FAM135A: variants seen among roughly 807,000 people sequenced by gnomAD.
FAM135A encodes protein FAM135A.
Under a neutral mutation model 146.8 loss-of-function variants are expected in FAM135A, and 79 were observed. The observed-to-expected ratio is 0.54, with a 90% confidence interval of 0.45 to 0.65. FAM135A has a LOEUF of 0.65. Among genes scored for constraint, FAM135A ranks in the 30% least tolerant of loss-of-function variants. The probability of loss-of-function intolerance (pLI) is 0.00; values close to 1 mark genes in which losing one functional copy is unlikely to be tolerated. For missense variants in FAM135A, 1,623 were observed against 1,758.2 expected, an observed-to-expected ratio of 0.92 and a Z score of 1.38; for synonymous variants, 562 against 603.6, an observed-to-expected ratio of 0.93 and a Z score of 1.01.
intron 17 of FAM135A, among the ~76,000 whole-genome samples, 165 bp from the exon 18 acceptor site, chr6:70,533,592 T>C (rs1015910384): frequency 6.6e-6 from 1 of 152,170 alleles, no homozygotes; most frequent in African/African-American, 2.4e-5. Flanking sequence ...AAATTTACTC[T>C]CTTTGCTCGT....
intron 20 of FAM135A, among the ~76,000 whole-genome samples, chr6:70,549,978 A>G (rs575278278): frequency 6.6e-6 from 1 of 152,302 alleles, no homozygotes; most frequent in South Asian, 2.1e-4. Flanking sequence ...CCAGGCATAG[A>G]TTCCATCTCA....
In FAM135A at chr6:70,453,007, A is replaced by C. The variant is rs548881310; in HGVS notation, c.157+436A>C. On this transcript the variant is annotated intron_variant, in intron 5 of 21. Transcript: ENST00000418814. ...TATTTATGAAACAGAGCCAAAAGGC[A>C]ATGTAGGAAGGTATGAAATAGACAT... is the stretch of plus-strand genomic sequence containing the variant. 7.9e-5 allele frequency among the ~76,000 whole-genome samples: 12 copies of C among 152,198 alleles called. No homozygotes were observed. In the East Asian group the frequency reaches 2.1e-3, roughly 27 times the overall value.
At position 70,501,585 on chromosome 6, in the gene FAM135A, G is replaced by T. The variant is rs570064741; in HGVS notation, c.874-1051G>T. Among the ~76,000 whole-genome samples the T allele has an allele frequency of 1.1e-4, 17 of 152,344 alleles. No homozygotes were observed. The South Asian group carries it at 3.5e-3, about 32-fold the overall frequency. ...TAGCTCAGTGTCTGCCCAAACAGCT[G>T]CCCAGTTTTGTGCTTGTAACCCAAG... is the stretch of plus-strand genomic sequence containing the variant. On this transcript the variant is annotated intron_variant, in intron 11 of 21. Transcript: ENST00000418814.
chr6:70,447,497 T>C (rs1039781805), intron 4 of FAM135A, among the ~76,000 whole-genome samples: 23 of 152,342 alleles, frequency 1.5e-4, no homozygotes, highest in African/African-American at 4.3e-4. Context: ...CACAGACTCC[T>C]GTTGGGACCT....
chr6:70,434,517 A>T (rs570743240), intron 4 of FAM135A, among the ~76,000 whole-genome samples: 1 of 152,294 alleles, frequency 6.6e-6, no homozygotes, highest in African/African-American at 2.4e-5. Context: ...AAAGTTAGTT[A>T]AAATAGTGTG....
chr6:70,440,806 A>G (rs561946273), intron 4 of FAM135A, among the ~76,000 whole-genome samples: 2 of 152,316 alleles, frequency 1.3e-5, no homozygotes, highest in South Asian at 2.1e-4. Context: ...TAATGAAACA[A>G]CGTTTTCAGA....
intron 5 of FAM135A, among the ~76,000 whole-genome samples, chr6:70,466,844 C>T (rs1443668942): frequency 6.6e-6 from 1 of 152,104 alleles, no homozygotes; most frequent in Non-Finnish European, 1.5e-5. Context: ...TTAATCTGTC[C>T]TCAGGTTAAA....
rs571047304 is a variant in FAM135A, at chr6:70,453,145, A to G, written c.157+574A>G. On this transcript the variant is annotated intron_variant, in intron 5 of 21. Coordinates refer to ENST00000418814, the MANE Select transcript of FAM135A (RefSeq NM_001162529.3). ...TTAGTGGTCATTTTTCAGCTTTCCC[A>G]ATGCAATATATGCTGTTTCATTACA... is the stretch of plus-strand genomic sequence containing the variant. 2.0e-5 allele frequency among the ~76,000 whole-genome samples: 3 copies of G among 152,338 alleles called. No homozygotes were observed. The South Asian group carries it at 6.2e-4, about 32-fold the overall frequency.
rs1554166978 is a variant in FAM135A at position 70,538,835 on chromosome 6, A to ATTATATTATATTATG, written c.4228+448_4228+449insGTTATATTATATTAT. Among the ~76,000 whole-genome samples, 1,275 of 146,068 alleles carry ATTATATTATATTATG rather than the reference A, an allele frequency of 8.7e-3. 28 individuals carry two copies. The highest frequency in any genetic ancestry group is 0.031 in the African/African-American group (1,218 of 39,844). On this transcript the variant is annotated intron_variant, in intron 20 of 21. Coordinates refer to ENST00000418814, the MANE Select transcript of FAM135A (RefSeq NM_001162529.3). ...ATTATATTATATTATATTATATTAT[A>ATTATATTATATTATG]TTATATTATATTATATTATATTATA...
intron 10 of FAM135A, 49 bp downstream of exon 10, chr6:70,482,203 C>A: frequency 1.3e-6 from 2 of 1,584,994 alleles, no homozygotes; most frequent in Non-Finnish European, 1.7e-6. Flanking sequence ...TCATTCTCTT[C>A]AGTCTTATAT....
intron 20 of FAM135A, among the ~76,000 whole-genome samples, chr6:70,548,938 AAT>A (rs907182056): frequency 5.3e-5 from 8 of 151,726 alleles, no homozygotes; most frequent in South Asian, 2.1e-4. Flanking sequence ...AAAATTAAAA[AAT>A]ATATATATAT....
chr6:70,414,610 C>A (rs1048546111), intron 1 of FAM135A, among the ~76,000 whole-genome samples: 5 of 151,036 alleles, frequency 3.3e-5, no homozygotes, highest in African/African-American at 1.2e-4. Context: ...ACATACCCTT[C>A]TAGTCCTTGC....
At chr6:70,520,321 G>A (rs1032922944) in intron 12 of FAM135A, among the ~76,000 whole-genome samples, 28 of 152,026 alleles carry the variant, frequency 1.8e-4, no homozygotes, top group African/African-American at 6.8e-4. Flanking sequence ...AAAAACATTT[G>A]TTCAGTAAAC....
chr6:70,427,078 A>G (rs935477855), intron 3 of FAM135A, among the ~76,000 whole-genome samples: 7 of 152,206 alleles, frequency 4.6e-5, no homozygotes, highest in African/African-American at 4.8e-5. Context: ...ATTGCTTTCT[A>G]CACTTAGCTT....
chr6:70,524,337 T>G lies in FAM135A; in HGVS notation c.1259-6T>G. ...AAACCTGAATCTTTTTTTCTTTGGA[T>G]AAAAGACTTAGATGCACCCTGGATG... On this transcript the variant is annotated splice_polypyrimidine_tract_variant and splice_region_variant and intron_variant, in intron 14 of 21. Transcript: ENST00000418814. 6.8e-7 allele frequency: 1 copy of G among 1,470,748 alleles called. No individual in the cohort carries two copies. The highest frequency in any genetic ancestry group is 9.0e-7 in the Non-Finnish European group (1 of 1,115,260). 91.1% of individuals were successfully genotyped at this position (1,470,748 alleles called of 1,614,324 possible).
chr6:70,501,667 T>G (rs1268088736), intron 11 of FAM135A, among the ~76,000 whole-genome samples: 1 of 152,052 alleles, frequency 6.6e-6, no homozygotes, highest in African/African-American at 2.4e-5. Flanking sequence ...GCAAAAACTG[T>G]GGGGAAAGCA....
chr6:70,446,105 A>C (rs1474025651), intron 4 of FAM135A, among the ~76,000 whole-genome samples: 1 of 152,254 alleles, frequency 6.6e-6, no homozygotes, highest in Non-Finnish European at 1.5e-5. Flanking sequence ...CCTGGCATTA[A>C]GGTCAGGTGT....
At chr6:70,500,211 A>G (rs1201783209) in intron 11 of FAM135A, among the ~76,000 whole-genome samples, 1 of 152,020 alleles carries the variant, frequency 6.6e-6, no homozygotes, top group African/African-American at 2.4e-5. Flanking sequence ...TCTTGTCTTC[A>G]TGCCTTATTT....
intron 2 of FAM135A, among the ~76,000 whole-genome samples, chr6:70,424,676 G>A (rs527514761): frequency 1.1e-4 from 16 of 152,264 alleles, no homozygotes; most frequent in African/African-American, 3.4e-4. Flanking sequence ...CATTTAAGCG[G>A]CCTTATTTCT....
Sources: allele counts gnomAD v4.1 joint callset (sites outside exome capture counted in the v4.1 genomes callset), GRCh38; gene constraint gnomAD v4.1.1; transcripts MANE v1.5; gene names NCBI Gene and HGNC (gene_info 2026-07-23, HGNC 2026-07-21).